Variants in IRAG1 observed in about 807,000 individuals in gnomAD.
The protein encoded by IRAG1 is inositol 1,4,5-triphosphate receptor associated 1.
In IRAG1, 62 loss-of-function variants were observed where a neutral mutation model predicts 106.2. The observed-to-expected ratio is 0.58, with a 90% confidence interval of 0.48 to 0.72. IRAG1 has a LOEUF of 0.72. IRAG1 is among the 30% of genes least tolerant of loss of function. The pLI is 0.00. For missense variants in IRAG1, 1,064 were observed against 1,140.7 expected (o/e 0.93, Z 0.97); for synonymous variants, 462 against 443.9 (o/e 1.04, Z -0.51).
At chr11:10,684,284 A>G (rs551527441) in intron 1 of IRAG1, among the ~76,000 whole-genome samples, 1 of 152,328 alleles carries the variant, frequency 6.6e-6, no homozygotes, top group East Asian at 1.9e-4. Flanking sequence ...GCCTTAAAAA[A>G]TGATGAGTTC....
intron 8 of IRAG1, among the ~76,000 whole-genome samples, chr11:10,627,324 C>T (rs967351086): frequency 2.6e-5 from 4 of 152,256 alleles, no homozygotes; most frequent in Middle Eastern, 3.4e-3. Context: ...TTCTGTTGCT[C>T]ATCAACAAAG....
chr11:10,579,274 A>G (rs1464249500), intron 20 of IRAG1, among the ~76,000 whole-genome samples: 2 of 152,116 alleles, frequency 1.3e-5, no homozygotes, highest in Admixed American at 1.3e-4. Context: ...CTGTGTGCCT[A>G]TCCATTTTGC....
intron 1 of IRAG1, chr11:10,690,144 C>A (rs887855758): frequency 7.8e-6 from 2 of 255,756 alleles, no homozygotes; most frequent in Non-Finnish European, 1.5e-5. Context: ...TAATCCCAGA[C>A]TTTGGGAGGC....
At chr11:10,631,471 C>T (rs12293630) in intron 4 of IRAG1, among the ~76,000 whole-genome samples, 6,634 of 152,308 alleles carry the variant, frequency 0.044, 505 homozygotes, top group African/African-American at 0.15. Flanking sequence ...GCTGGCCTAG[C>T]TCTTCTGTGC....
chr11:10,591,461 T>G (rs1042637971), intron 18 of IRAG1, 87 bp downstream of exon 18: 3 of 1,188,896 alleles, frequency 2.5e-6, no homozygotes, highest in Non-Finnish European at 3.7e-6. Flanking sequence ...CACTGCATTT[T>G]GGGGATAAAA....
At chr11:10,578,724 G>A (rs1851082718) in intron 20 of IRAG1, among the ~76,000 whole-genome samples, 1 of 152,216 alleles carries the variant, frequency 6.6e-6, no homozygotes, top group African/African-American at 2.4e-5. Flanking sequence ...ACCAAGCTAA[G>A]CCTTACTTCC....
intron 16 of IRAG1, 61 bp from the exon 17 acceptor site, chr11:10,593,660 AGGGCTGGG>A: frequency 7.6e-7 from 1 of 1,320,896 alleles, no homozygotes; most frequent in African/African-American, 1.5e-5. Flanking sequence ...ATAGTTCAGA[AGGGCTGGG>A]AAAAAGCCTC....
At chr11:10,608,209 T>C (rs1338666851) in intron 11 of IRAG1, among the ~76,000 whole-genome samples, 1 of 152,118 alleles carries the variant, frequency 6.6e-6, no homozygotes, top group East Asian at 1.9e-4. Flanking sequence ...ACTACAGCCT[T>C]GAACTCCTGG....
chr11:10,604,299 C>G (rs1184574034), intron 13 of IRAG1, 106 bp downstream of exon 13: 1 of 1,405,464 alleles, frequency 7.1e-7, no homozygotes, highest in Non-Finnish European at 9.6e-7. Flanking sequence ...CTCAATTTTT[C>G]ACTTCAGGAG....
chr11:10,631,908 A>G (rs1054115891), intron 4 of IRAG1, 83 bp downstream of exon 4: 33 of 1,138,686 alleles, frequency 2.9e-5, no homozygotes, highest in Middle Eastern at 2.7e-4. Context: ...CTTAAAGAGC[A>G]GGAGAGAGGA....
intron 1 of IRAG1, chr11:10,690,118 C>A (rs190769283): frequency 3.6e-4 from 73 of 201,896 alleles, no homozygotes; most frequent in African/African-American, 1.7e-3. Flanking sequence ...TGGCCGGGTG[C>A]GATGGCTCAC....
chr11:10,593,653 G>T lies in IRAG1; in HGVS notation c.2068-54C>A, dbSNP rs116034943. On this transcript the variant is annotated intron_variant, in intron 16 of 20. Coordinates refer to ENST00000423302, the MANE Select transcript of IRAG1 (RefSeq NM_130385.4). ...TGTCTTGGAGGTAGCAATAGCCATAGTTCAGAAGGGCTGGGAAAAAGCCTC... is the reference window on the plus strand; with the variant it reads ...TGTCTTGGAGGTAGCAATAGCCATATTTCAGAAGGGCTGGGAAAAAGCCTC... 9.5e-4 allele frequency: 1,285 copies of T among 1,347,934 alleles called. 5 individuals are homozygous for T. The African/African-American group carries it at 0.017, about 17-fold the overall frequency. 83.5% of individuals were successfully genotyped at this position (1,347,934 alleles called of 1,614,324 possible).
At chr11:10,643,167 A>G (rs1362877054) in intron 2 of IRAG1, among the ~76,000 whole-genome samples, 1 of 92,200 alleles carries the variant, frequency 1.1e-5, no homozygotes. Flanking sequence ...ACAGAGTGAG[A>G]CTCCGTCTCA....
intron 9 of IRAG1, among the ~76,000 whole-genome samples, 166 bp downstream of exon 9, chr11:10,625,800 C>T (rs901814499): frequency 6.6e-6 from 1 of 152,108 alleles, no homozygotes; most frequent in African/African-American, 2.4e-5. Context: ...GAAAGAGATG[C>T]CACATAAATA....
chr11:10,594,138 A>C lies in IRAG1; in HGVS notation c.2067+8T>G. 6.2e-7 allele frequency: 1 copy of C among 1,604,302 alleles called. No homozygotes were observed. The highest frequency in any genetic ancestry group is 8.5e-7 in the Non-Finnish European group (1 of 1,175,460). ...CCAGGAGCCCTGGTATTCCTTGAAC[A>C]TGCATACCTTTCCCAGCGTGAGGGA... On this transcript the variant is annotated splice_region_variant and intron_variant, in intron 16 of 20. Coordinates refer to ENST00000423302, the MANE Select transcript of IRAG1 (RefSeq NM_130385.4).
intron 1 of IRAG1, among the ~76,000 whole-genome samples, chr11:10,681,386 A>T (rs555598723): frequency 2.0e-4 from 30 of 152,280 alleles, no homozygotes; most frequent in African/African-American, 4.3e-4. Flanking sequence ...TGTTTTTTTT[A>T]AAAATACAAC....
chr11:10,632,339 C>A (rs140144686), intron 3 of IRAG1, among the ~76,000 whole-genome samples: 8,107 of 152,064 alleles, frequency 0.053, 280 homozygotes, highest in Admixed American at 0.11. Context: ...GCATGTGCCA[C>A]CACACCCAGC....
At chr11:10,577,404 G>C (rs1055914894) in intron 20 of IRAG1, among the ~76,000 whole-genome samples, 5 of 151,290 alleles carry the variant, frequency 3.3e-5, no homozygotes, top group Non-Finnish European at 7.4e-5. Flanking sequence ...CTCTCTCTCT[G>C]TGGTGTGGTA....
intron 20 of IRAG1, among the ~76,000 whole-genome samples, chr11:10,578,699 G>A (rs1200547612): frequency 6.6e-6 from 1 of 152,216 alleles, no homozygotes; most frequent in African/African-American, 2.4e-5. Context: ...ATGACCAGGA[G>A]CTGGACAGAA....
Sources: allele counts gnomAD v4.1 joint callset (sites outside exome capture counted in the v4.1 genomes callset), GRCh38; gene constraint gnomAD v4.1.1; transcripts MANE v1.5; gene names NCBI Gene and HGNC (gene_info 2026-07-23, HGNC 2026-07-21).